PRKCA: variants seen among roughly 807,000 people sequenced by gnomAD.
The protein encoded by PRKCA is protein kinase C alpha type.
A neutral mutation model predicts 87.0 loss-of-function variants in PRKCA; 27 were observed. The observed-to-expected ratio is 0.31, with a 90% CI of 0.23 to 0.43. The LOEUF is 0.43. PRKCA is among the 20% of genes least tolerant of loss of function. The pLI, the probability that PRKCA is intolerant of heterozygous loss-of-function variation, is 1.00. For synonymous variants in PRKCA, 329 were observed against 311.1 expected, an observed-to-expected ratio of 1.06 and a Z score of -0.61; for missense variants, 518 against 852.3, an observed-to-expected ratio of 0.61 and a Z score of 4.88.
intron 13 of PRKCA, among the ~76,000 whole-genome samples, chr17:66,764,629 AT>A (rs1266237202): frequency 6.6e-6 from 1 of 152,252 alleles, no homozygotes; most frequent in Non-Finnish European, 1.5e-5. Context: ...GTAAAATTGA[AT>A]GACAGTGGCC....
intron 8 of PRKCA, among the ~76,000 whole-genome samples, chr17:66,725,593 T>C (rs1433172386): frequency 1.3e-5 from 2 of 151,814 alleles, no homozygotes; most frequent in East Asian, 2.0e-4. Context: ...GGTGGATCAC[T>C]TGAGCTCAGG....
intron 2 of PRKCA, among the ~76,000 whole-genome samples, chr17:66,441,102 C>T (rs1913720410): frequency 6.9e-6 from 1 of 144,110 alleles, no homozygotes; most frequent in Admixed American, 7.3e-5. Context: ...ACGGATGTTG[C>T]ATTGAGCCCA....
chr17:66,493,297 T>TTGTGTGTGTGTGTGTGTGTGTGTG (rs61513917), intron 2 of PRKCA, among the ~76,000 whole-genome samples: 2 of 143,076 alleles, frequency 1.4e-5, no homozygotes, highest in African/African-American at 5.0e-5. Context: ...GTAGGTATAT[T>TTGTGTGTGTGTGTGTGTGTGTGTG]TGTGTGTGTG....
chr17:66,707,992 C>G (rs956955098), intron 8 of PRKCA, among the ~76,000 whole-genome samples: 2 of 152,232 alleles, frequency 1.3e-5, no homozygotes, highest in Admixed American at 1.3e-4. Flanking sequence ...AATTCAAAAT[C>G]ACAGCTCCCT....
At chr17:66,707,767 G>C (rs1973225891) in intron 8 of PRKCA, among the ~76,000 whole-genome samples, 1 of 152,114 alleles carries the variant, frequency 6.6e-6, no homozygotes, top group African/African-American at 2.4e-5. Context: ...AACGACCCCT[G>C]ACCCTCATAG....
At chr17:66,676,010 T>C (rs1972318230) in intron 5 of PRKCA, among the ~76,000 whole-genome samples, 1 of 152,100 alleles carries the variant, frequency 6.6e-6, no homozygotes, top group Admixed American at 6.5e-5. Flanking sequence ...GGAAGGGCGC[T>C]CGGTAAATCC....
chr17:66,717,390 A>T (rs1247715075), intron 8 of PRKCA, among the ~76,000 whole-genome samples: 1 of 152,158 alleles, frequency 6.6e-6, no homozygotes, highest in Non-Finnish European at 1.5e-5. Flanking sequence ...AAGTTTGCTC[A>T]CCCTCGATGT....
At chr17:66,387,405 A>C (rs972053409) in intron 2 of PRKCA, among the ~76,000 whole-genome samples, 1 of 152,212 alleles carries the variant, frequency 6.6e-6, no homozygotes, top group Non-Finnish European at 1.5e-5. Context: ...AGAAGTGAGT[A>C]TAAGAGGCAG....
chr17:66,797,254 C>T (rs1396556704), intron 16 of PRKCA, among the ~76,000 whole-genome samples: 1 of 152,200 alleles, frequency 6.6e-6, no homozygotes, highest in African/African-American at 2.4e-5. Context: ...ACACAAGGCT[C>T]CAGTGGGGGC....
At chr17:66,551,952 C>G (rs1968349628) in intron 3 of PRKCA, among the ~76,000 whole-genome samples, 1 of 152,008 alleles carries the variant, frequency 6.6e-6, no homozygotes, top group South Asian at 2.1e-4. Flanking sequence ...TCTTTAAATG[C>G]CAAATACTAT....
At chr17:66,563,951 T>TTCC (rs1968793590) in intron 3 of PRKCA, among the ~76,000 whole-genome samples, 9 of 136,582 alleles carry the variant, frequency 6.6e-5, no homozygotes, top group East Asian at 2.2e-4. Context: ...TTGTTTCTTC[T>TTCC]TTCCTTCCTT....
chr17:66,778,822 G>A lies in PRKCA; in HGVS notation c.1605+4755G>A, dbSNP rs568316920. Among the ~76,000 whole-genome samples the A allele has an allele frequency of 2.7e-5, 4 of 149,068 alleles. No homozygotes were observed. In the South Asian group the frequency reaches 6.7e-4, roughly 25 times the overall value. On this transcript the variant is annotated intron_variant, in intron 14 of 16. Coordinates refer to ENST00000413366, the MANE Select transcript of PRKCA (RefSeq NM_002737.3). ...ATCACACCACTGCACTCCAGCCTGG[G>A]TGAGAGAGTGAGACCCTGTCTCCAA...
In PRKCA at chr17:66,418,516, A is replaced by C. The variant is rs1039167457; in HGVS notation, c.206-77685A>C. On this transcript the variant is annotated intron_variant, in intron 2 of 16. Transcript: ENST00000413366. ...AGTGGCGCGATCTCAGCTCACTGCAACCTCTGCCTCCCGGGCTCAAGCAAT... is the reference window on the plus strand; with the variant it reads ...AGTGGCGCGATCTCAGCTCACTGCACCCTCTGCCTCCCGGGCTCAAGCAAT... Among the ~76,000 whole-genome samples the C allele has an allele frequency of 2.2e-4, 33 of 151,240 alleles. 1 individual carries two copies. Among genetic ancestry groups the C allele is most frequent in the Admixed American group, 9.2e-4 (14 of 15,188 alleles).
chr17:66,368,410 T>A (rs1208058465), intron 2 of PRKCA, among the ~76,000 whole-genome samples: 2 of 123,312 alleles, frequency 1.6e-5, no homozygotes, highest in Non-Finnish European at 3.4e-5. Flanking sequence ...TTTTTTTTTT[T>A]TGGAGACAGG....
At chr17:66,618,754 C>T (rs1290236874) in intron 3 of PRKCA, among the ~76,000 whole-genome samples, 5 of 152,194 alleles carry the variant, frequency 3.3e-5, no homozygotes, top group Non-Finnish European at 1.5e-5. Context: ...TACATGCCTA[C>T]ATTCTGCAGG....
chr17:66,661,572 C>G (rs1024740), intron 5 of PRKCA, among the ~76,000 whole-genome samples: 87,314 of 152,090 alleles, frequency 0.57, 25,408 homozygotes, highest in African/African-American at 0.69. Flanking sequence ...ACACGTCAAC[C>G]TGCTCCTGGC....
intron 2 of PRKCA, among the ~76,000 whole-genome samples, chr17:66,371,929 A>T (rs10512510): frequency 0.092 from 14,071 of 152,250 alleles, 745 homozygotes; most frequent in African/African-American, 0.13. Context: ...AATTGAACTG[A>T]AAAATTGAAG....
At chr17:66,718,075 C>A (rs975068484) in intron 8 of PRKCA, among the ~76,000 whole-genome samples, 14 of 152,212 alleles carry the variant, frequency 9.2e-5, no homozygotes, top group African/African-American at 3.4e-4. Context: ...TTAAGCTCTC[C>A]ATACAAATTA....
intron 3 of PRKCA, among the ~76,000 whole-genome samples, chr17:66,539,169 A>G (rs1967892014): frequency 6.6e-6 from 1 of 152,008 alleles, no homozygotes; most frequent in Admixed American, 6.5e-5. Context: ...GTGTCCTCAG[A>G]TTTTCACTCT....
Sources: allele counts gnomAD v4.1 joint callset (sites outside exome capture counted in the v4.1 genomes callset), GRCh38; gene constraint gnomAD v4.1.1; transcripts MANE v1.5; gene names NCBI Gene and HGNC (gene_info 2026-07-23, HGNC 2026-07-21).